Variants in FGF20 observed in about 807,000 individuals in gnomAD.
FGF20 encodes fibroblast growth factor 20.
A neutral mutation model predicts 16.7 loss-of-function variants in FGF20; 8 were observed. The ratio of observed to expected loss-of-function variants is 0.48; its 90% CI spans 0.28 to 0.87. The LOEUF (loss-of-function observed/expected upper bound fraction) is 0.87, where lower values mean the gene tolerates loss of function less well. Ranked by LOEUF, FGF20 falls within the 40% of genes least tolerant of loss-of-function variation. The probability of loss-of-function intolerance (pLI) is 0.10; values close to 1 mark genes in which losing one functional copy is unlikely to be tolerated. For synonymous variants in FGF20, 161 were observed against 118.6 expected (o/e 1.36, Z -2.32); for missense variants, 397 against 281.4 (o/e 1.41, Z -2.94).
At chr8:17,001,665 G>T (rs1810186746) in intron 1 of FGF20, 82 bp downstream of exon 1, 22 of 1,405,678 alleles carry the variant, frequency 1.6e-5, no homozygotes, top group African/African-American at 3.0e-5. Context: ...CCCTTGGCAG[G>T]CAAAGAGGGA....
Position 16,992,998 on chromosome 8 carries a change from A to T in FGF20, c.*74T>A. On this transcript the variant is annotated 3_prime_UTR_variant, in exon 3 of 3. Coordinates refer to ENST00000180166, the MANE Select transcript of FGF20 (RefSeq NM_019851.3). Reference sequence around the variant, plus strand: ...AATATTTTGAACGTCTCCTTGGGTCATTATTTTATGATGGGAACTATGACA... The same window carrying T: ...AATATTTTGAACGTCTCCTTGGGTCTTTATTTTATGATGGGAACTATGACA... 1 of 1,509,364 alleles carries T rather than the reference A, an allele frequency of 6.6e-7. No individual in the cohort carries two copies. Among genetic ancestry groups the T allele is most frequent in the Non-Finnish European group, 9.0e-7 (1 of 1,117,118 alleles). 93.5% of individuals were successfully genotyped at this position (1,509,364 alleles called of 1,614,324 possible). A position where few individuals can be genotyped will look rare whatever the true frequency, so the allele number is the denominator to read the frequency against.
rs758127072 is a variant in FGF20, at chr8:17,001,910, C to G, written c.123G>C (p.Arg41Ser). Residue 41 changes from arginine (R) to serine (S), a missense_variant, in exon 1 of 3, where the codon AGG (arginine) becomes AGC (serine). Physicochemically the swap from Arg to Ser is moderately radical, Grantham distance 110 (BLOSUM62 -1). Coordinates refer to ENST00000180166, the MANE Select transcript of FGF20 (RefSeq NM_019851.3). ...CGCGCGCGCTCCGCTCCGCCGCGCT[C>G]CTGCGCTCGCCCAGCAGCGGCGGCC... is the stretch of plus-strand genomic sequence containing the variant. The part of the protein sequence containing the change: ...GERPPLLGER[R>S]SAAERSARGG... The G allele has an allele frequency of 6.7e-7, 1 of 1,486,338 alleles. No individual in the cohort carries two copies. 92.1% of individuals were successfully genotyped at this position (1,486,338 alleles called of 1,614,324 possible).
At position 16,995,629 on chromosome 8, in the gene FGF20, T is replaced by A. The variant is rs531056913; in HGVS notation, c.390+26A>T. 2.1e-5 allele frequency: 21 copies of A among 986,998 alleles called. No homozygotes were observed. The African/African-American group carries it at 2.7e-4, about 12-fold the overall frequency. 61.1% of individuals were successfully genotyped at this position (986,998 alleles called of 1,614,324 possible). On this transcript the variant is annotated intron_variant, in intron 2 of 2. Transcript: ENST00000180166. ...GTCAATATTTTAAGAATTACAATAA[T>A]AATAAAAAATAAAAATAATACGTAC... is the stretch of plus-strand genomic sequence containing the variant.
rs748991191 is a variant in FGF20 at position 16,995,801 on chromosome 8, T to C, written c.287-43A>G. The C allele has an allele frequency of 3.4e-6, 4 of 1,175,200 alleles. No homozygotes were observed. The South Asian group carries it at 5.3e-5, about 16-fold the overall frequency. The allele number at this position is 1,175,200 out of a possible 1,614,324, so 72.8% of individuals were successfully genotyped here. On this transcript the variant is annotated intron_variant, in intron 1 of 2. Coordinates refer to ENST00000180166, the MANE Select transcript of FGF20 (RefSeq NM_019851.3). ...TCATAAAAACACCATGTTTTGTATTTATGCATGAGCATATGACTAACAAAA... is the reference window on the plus strand; with the variant it reads ...TCATAAAAACACCATGTTTTGTATTCATGCATGAGCATATGACTAACAAAA...
intron 1 of FGF20, among the ~76,000 whole-genome samples, 159 bp from the exon 2 acceptor site, chr8:16,995,917 A>G (rs543704003): frequency 2.6e-5 from 4 of 152,224 alleles, no homozygotes; most frequent in East Asian, 1.9e-4. Context: ...CAGCTATGCA[A>G]TTGTTTTATG....
chr8:16,999,374 C>T (rs1009303178), intron 1 of FGF20, among the ~76,000 whole-genome samples: 1 of 152,032 alleles, frequency 6.6e-6, no homozygotes. Context: ...AAAGAAATGC[C>T]GTTAAATGCC....
rs935753719 is a variant in FGF20 at position 16,992,261 on chromosome 8, C to G, written c.*811G>C. 1.3e-5 allele frequency: 2 copies of G among 151,936 alleles called. No individual in the cohort carries two copies. The highest frequency in any genetic ancestry group is 4.8e-5 in the African/African-American group (2 of 41,358). The allele number at this position is 151,936 out of a possible 1,614,324, so 9.4% of individuals were successfully genotyped here. A position where few individuals can be genotyped will look rare whatever the true frequency, so the allele number is the denominator to read the frequency against. On this transcript the variant is annotated 3_prime_UTR_variant, in exon 3 of 3. Coordinates refer to ENST00000180166, the MANE Select transcript of FGF20 (RefSeq NM_019851.3). Reference sequence around the variant, plus strand: ...AGGCATTTTTCTAGGCCAAAAGAAACCAACGTTACATTTAGAAGGCAATTG... The same window carrying G: ...AGGCATTTTTCTAGGCCAAAAGAAAGCAACGTTACATTTAGAAGGCAATTG...
intron 1 of FGF20, among the ~76,000 whole-genome samples, chr8:17,000,405 A>G (rs17514978): frequency 0.01 from 1,569 of 152,250 alleles, 24 homozygotes; most frequent in African/African-American, 0.035. Flanking sequence ...CACTTCTCCA[A>G]AGTTTTAATG....
At chr8:16,996,797 GCTTATTGA>G (rs1336909116) in intron 1 of FGF20, among the ~76,000 whole-genome samples, 1 of 152,110 alleles carries the variant, frequency 6.6e-6, no homozygotes, top group Non-Finnish European at 1.5e-5. Flanking sequence ...GCTCAGAAAG[GCTTATTGA>G]CTTGCCTAAG....
chr8:17,002,057 AG>A lies in FGF20; in HGVS notation c.-26del. 6.6e-7 allele frequency: 1 copy of A among 1,515,786 alleles called. No homozygotes were observed. Among genetic ancestry groups the A allele is most frequent in the Non-Finnish European group, 8.8e-7 (1 of 1,134,230 alleles). The allele number at this position is 1,515,786 out of a possible 1,614,324, so 93.9% of individuals were successfully genotyped here. A position where few individuals can be genotyped will look rare whatever the true frequency, so the allele number is the denominator to read the frequency against. On this transcript the variant is annotated 5_prime_UTR_variant, in exon 1 of 3. Transcript: ENST00000180166. Reference sequence around the variant, plus strand: ...TGGAGGGGGAGATCCGGAACACAAAAGACCCCCCCAGTAAAGAGTGTTGTGG... The same window carrying A: ...TGGAGGGGGAGATCCGGAACACAAAAACCCCCCCAGTAAAGAGTGTTGTGG...
intron 1 of FGF20, among the ~76,000 whole-genome samples, chr8:16,999,156 C>T (rs1239060486): frequency 6.6e-6 from 1 of 152,094 alleles, no homozygotes; most frequent in African/African-American, 2.4e-5. Context: ...CATCACAAGG[C>T]GGCCATTCAC....
At chr8:16,995,340 GA>G (rs1331569799) in intron 2 of FGF20, among the ~76,000 whole-genome samples, 3 of 152,050 alleles carry the variant, frequency 2.0e-5, no homozygotes, top group African/African-American at 7.2e-5. Flanking sequence ...AACATGGCAA[GA>G]AAAAAATATT....
At chr8:17,000,350 A>C (rs982527727) in intron 1 of FGF20, among the ~76,000 whole-genome samples, 2 of 152,140 alleles carry the variant, frequency 1.3e-5, no homozygotes, top group African/African-American at 2.4e-5. Flanking sequence ...CCACATGCTT[A>C]TTTCTACATC....
rs1005983306 is a variant in FGF20 at position 16,992,237 on chromosome 8, G to A, written c.*835C>T. The A allele has an allele frequency of 1.4e-5, 2 of 146,034 alleles. No homozygotes were observed. The highest frequency in any genetic ancestry group is 3.0e-5 in the Non-Finnish European group (2 of 66,970). The allele number at this position is 146,034 out of a possible 1,614,324, so 9.0% of individuals were successfully genotyped here. A position where few individuals can be genotyped will look rare whatever the true frequency, so the allele number is the denominator to read the frequency against. On this transcript the variant is annotated 3_prime_UTR_variant, in exon 3 of 3. Coordinates refer to ENST00000180166, the MANE Select transcript of FGF20 (RefSeq NM_019851.3). Reference sequence around the variant, plus strand: ...TGTTGAATTTAATACAAATCAATGAGGCATTTTTCTAGGCCAAAAGAAACC... The same window carrying A: ...TGTTGAATTTAATACAAATCAATGAAGCATTTTTCTAGGCCAAAAGAAACC...
At position 17,002,282 on chromosome 8, in the gene FGF20, T is replaced by C; in HGVS notation, c.-250A>G. 2.3e-6 allele frequency: 1 copy of C among 431,180 alleles called. No homozygotes were observed. The highest frequency in any genetic ancestry group is 4.0e-6 in the Non-Finnish European group (1 of 248,748). 26.7% of individuals were successfully genotyped at this position (431,180 alleles called of 1,614,324 possible). A position where few individuals can be genotyped will look rare whatever the true frequency, so the allele number is the denominator to read the frequency against. On this transcript the variant is annotated 5_prime_UTR_variant, in exon 1 of 3. Coordinates refer to ENST00000180166, the MANE Select transcript of FGF20 (RefSeq NM_019851.3). The stretch of plus-strand genomic sequence containing the variant: ...CTGCAGAAATATCTATAGCTGCCGC[T>C]GCCAATACTAGGACTAGGGCTGTTG...
intron 1 of FGF20, among the ~76,000 whole-genome samples, chr8:16,999,895 T>G (rs1810143729): frequency 6.6e-6 from 1 of 152,124 alleles, no homozygotes; most frequent in African/African-American, 2.4e-5. Context: ...AGGGTGAAAT[T>G]CTGACTATTA....
intron 1 of FGF20, among the ~76,000 whole-genome samples, chr8:17,000,124 G>A (rs1026934635): frequency 2.6e-5 from 4 of 152,020 alleles, no homozygotes; most frequent in African/African-American, 4.8e-5. Context: ...TACTTTGGGA[G>A]GCCAAGGCGG....
At chr8:16,998,599 G>A (rs1810110122) in intron 1 of FGF20, among the ~76,000 whole-genome samples, 1 of 152,052 alleles carries the variant, frequency 6.6e-6, no homozygotes, top group African/African-American at 2.4e-5. Flanking sequence ...AGACTTGGAG[G>A]TACTTTGCCT....
Position 16,993,034 on chromosome 8 carries a change from G to A in FGF20, c.*38C>T, listed in dbSNP as rs768410520. ...ATGGGAACTATGACAAGAAAGAATGGTTGTGGTTTGACTCTTCCATAATGT... is the reference window on the plus strand; with the variant it reads ...ATGGGAACTATGACAAGAAAGAATGATTGTGGTTTGACTCTTCCATAATGT... On this transcript the variant is annotated 3_prime_UTR_variant, in exon 3 of 3. Transcript: ENST00000180166. 7 of 1,596,540 alleles carry A rather than the reference G, an allele frequency of 4.4e-6. No individual in the cohort carries two copies.
Sources: allele counts gnomAD v4.1 joint callset (sites outside exome capture counted in the v4.1 genomes callset), GRCh38; gene constraint gnomAD v4.1.1; transcripts MANE v1.5; gene names NCBI Gene and HGNC (gene_info 2026-07-23, HGNC 2026-07-21).